Variants in SLC9A9 observed in about 807,000 individuals in gnomAD.
SLC9A9 encodes sodium/hydrogen exchanger 9.
Under a neutral mutation model 77.8 loss-of-function variants are expected in SLC9A9, and 62 were observed. That is an observed-to-expected ratio of 0.80 (90% CI 0.65 to 0.98). The LOEUF is 0.98. SLC9A9 is among the 50% of genes least tolerant of loss of function. The pLI, the probability that SLC9A9 is intolerant of heterozygous loss-of-function variation, is 0.00. For synonymous variants in SLC9A9, 320 were observed against 283.5 expected (o/e 1.13, Z -1.29); for missense variants, 775 against 774.9 (o/e 1.00, Z 0.00).
At chr3:143,279,355 A>G (rs1430098922) in intron 14 of SLC9A9, among the ~76,000 whole-genome samples, 1 of 152,210 alleles carries the variant, frequency 6.6e-6, no homozygotes, top group African/African-American at 2.4e-5. Flanking sequence ...GGAATGACCC[A>G]TGTTTCCACA....
chr3:143,514,249 G>C (rs2036167615), intron 9 of SLC9A9, among the ~76,000 whole-genome samples: 1 of 151,746 alleles, frequency 6.6e-6, no homozygotes, highest in Admixed American at 6.6e-5. Flanking sequence ...CTCAATGGCG[G>C]TTTCTTCAAA....
At chr3:143,374,422 CAAAAAAAAAAAAAAA>C (rs34787603) in intron 13 of SLC9A9, among the ~76,000 whole-genome samples, 1 of 67,460 alleles carries the variant, frequency 1.5e-5, no homozygotes, top group African/African-American at 5.9e-5. Context: ...GACTCTGTCT[CAAAAAAAAAAAAAAA>C]AAAAAAAAAG....
chr3:143,654,250 T>C (rs2038849304), intron 5 of SLC9A9, among the ~76,000 whole-genome samples: 1 of 152,212 alleles, frequency 6.6e-6, no homozygotes, highest in Non-Finnish European at 1.5e-5. Flanking sequence ...ACATAATATA[T>C]ACAGTTCTTG....
chr3:143,453,416 A>C (rs1235276744), intron 12 of SLC9A9, among the ~76,000 whole-genome samples: 6 of 152,150 alleles, frequency 3.9e-5, no homozygotes, highest in Non-Finnish European at 8.8e-5. Flanking sequence ...CAAAGGGAAA[A>C]AGAAAACTAT....
At chr3:143,503,568 G>T in intron 9 of SLC9A9, 1 of 413,544 alleles carries the variant, frequency 2.4e-6, no homozygotes, top group South Asian at 1.8e-5. Context: ...TGTTGGCAGT[G>T]GGAACATGGA....
chr3:143,435,598 AACACATTGCCTG>A (rs1240665137), intron 12 of SLC9A9, among the ~76,000 whole-genome samples: 2 of 152,212 alleles, frequency 1.3e-5, no homozygotes, highest in Non-Finnish European at 2.9e-5. Flanking sequence ...CCTTGAATCC[AACACATTGCCTG>A]ACACGTTAGA....
chr3:143,793,983 C>A (rs112737154), intron 4 of SLC9A9, among the ~76,000 whole-genome samples: 10 of 152,166 alleles, frequency 6.6e-5, no homozygotes, highest in African/African-American at 2.4e-4. Context: ...GTGCTAAAAT[C>A]TTTAATTTTC....
At chr3:143,510,073 A>G (rs1049063694) in intron 9 of SLC9A9, among the ~76,000 whole-genome samples, 1 of 152,208 alleles carries the variant, frequency 6.6e-6, no homozygotes, top group African/African-American at 2.4e-5. Flanking sequence ...TTAAATGTGG[A>G]TATGAAAGAA....
intron 14 of SLC9A9, chr3:143,313,400 T>C (rs1001998232): frequency 3.9e-5 from 6 of 152,190 alleles, no homozygotes; most frequent in Non-Finnish European, 1.5e-5. Flanking sequence ...CTACAGGTAA[T>C]TCACAAAACA....
At chr3:143,499,494 C>T (rs1249644417) in intron 9 of SLC9A9, among the ~76,000 whole-genome samples, 1 of 151,986 alleles carries the variant, frequency 6.6e-6, no homozygotes, top group Non-Finnish European at 1.5e-5. Flanking sequence ...GTATTCAGGG[C>T]CTTAGTAAAT....
intron 8 of SLC9A9, among the ~76,000 whole-genome samples, chr3:143,561,592 C>T (rs997966243): frequency 5.9e-5 from 9 of 152,184 alleles, no homozygotes; most frequent in African/African-American, 1.7e-4. Context: ...GCCATTCTCT[C>T]GCCATGGCTA....
intron 5 of SLC9A9, among the ~76,000 whole-genome samples, chr3:143,692,901 G>T (rs1933514235): frequency 6.6e-6 from 1 of 151,936 alleles, no homozygotes; most frequent in African/African-American, 2.4e-5. Flanking sequence ...AGCCATCTTG[G>T]GCTGCATGCA....
chr3:143,761,335 G>C (rs1366988673), intron 4 of SLC9A9, among the ~76,000 whole-genome samples: 2 of 152,098 alleles, frequency 1.3e-5, no homozygotes, highest in Non-Finnish European at 2.9e-5. Context: ...AGCCAAAATT[G>C]GCAAATGGGA....
At chr3:143,808,922 G>A (rs893387643) in intron 2 of SLC9A9, among the ~76,000 whole-genome samples, 5 of 151,980 alleles carry the variant, frequency 3.3e-5, no homozygotes, top group Non-Finnish European at 4.4e-5. Flanking sequence ...TCAAATCATA[G>A]CATTTGAAGA....
At chr3:143,575,494 G>A (rs1237433777) in intron 7 of SLC9A9, among the ~76,000 whole-genome samples, 3 of 152,044 alleles carry the variant, frequency 2.0e-5, no homozygotes, top group Non-Finnish European at 4.4e-5. Flanking sequence ...TGTCTACTGT[G>A]GTCTAAATTA....
intron 5 of SLC9A9, among the ~76,000 whole-genome samples, chr3:143,666,127 T>G (rs879063535): frequency 6.6e-6 from 1 of 152,162 alleles, no homozygotes; most frequent in African/African-American, 2.4e-5. Flanking sequence ...ATCAAAAAGC[T>G]TATCCACCAC....
At chr3:143,571,079 G>A (rs2037250293) in intron 8 of SLC9A9, among the ~76,000 whole-genome samples, 1 of 152,096 alleles carries the variant, frequency 6.6e-6, no homozygotes, top group Non-Finnish European at 1.5e-5. Context: ...GTAGGCGGCC[G>A]AGAGCCCTGC....
intron 12 of SLC9A9, among the ~76,000 whole-genome samples, chr3:143,430,611 C>T (rs113183869): frequency 6.6e-6 from 1 of 152,130 alleles, no homozygotes; most frequent in African/African-American, 2.4e-5. Flanking sequence ...TTTGCTGAGC[C>T]CAGATCTGAG....
Position 143,568,634 on chromosome 3 carries a change from T to C in SLC9A9, c.1000+5454A>G, listed in dbSNP as rs375695616. ...TGGGCACAGAACACTTACTACCTTA[T>C]AAAGTGATCTGTTATTCAGGTTTTG... On this transcript the variant is annotated intron_variant, in intron 8 of 15. Transcript: ENST00000316549. Among the ~76,000 whole-genome samples the C allele has an allele frequency of 2.0e-5, 3 of 152,310 alleles. No individual in the cohort carries two copies. The South Asian group carries it at 6.2e-4, about 32-fold the overall frequency.
Sources: gnomAD v4.1 joint callset for allele counts (sites outside exome capture counted in the v4.1 genomes callset) on GRCh38, gnomAD v4.1.1 for gene constraint, MANE v1.5 for transcripts, NCBI Gene and HGNC (gene_info 2026-07-23, HGNC 2026-07-21) for gene names.